Variants in ITGA6 observed in about 807,000 individuals in gnomAD.
The protein encoded by ITGA6 is integrin subunit alpha 6.
A neutral mutation model predicts 133.6 loss-of-function variants in ITGA6; 63 were observed. The ratio of observed to expected loss-of-function variants is 0.47; its 90% CI spans 0.38 to 0.58. The LOEUF is 0.58. ITGA6 is among the 20% of genes least tolerant of loss of function. ITGA6 has a pLI of 0.00. For missense variants in ITGA6, 1,068 were observed against 1,309.4 expected (o/e 0.82, Z 2.85); for synonymous variants, 434 against 482.0 (o/e 0.90, Z 1.30).
chr2:172,471,686 C>T (rs960874223), intron 5 of ITGA6, among the ~76,000 whole-genome samples: 1 of 152,126 alleles, frequency 6.6e-6, no homozygotes, highest in Non-Finnish European at 1.5e-5. Flanking sequence ...GCTTTCAGGA[C>T]ACCCAGACTG....
At chr2:172,472,825 A>C in intron 5 of ITGA6, 1 of 1,612,724 alleles carries the variant, frequency 6.2e-7, no homozygotes, top group Non-Finnish European at 8.5e-7. Flanking sequence ...CAGTTTGTTT[A>C]TAAAACACGG....
chr2:172,448,237 G>A (rs1684845300), intron 1 of ITGA6, among the ~76,000 whole-genome samples: 1 of 151,910 alleles, frequency 6.6e-6, no homozygotes, highest in African/African-American at 2.4e-5. Context: ...CTTAATAGAC[G>A]TTAATTATAA....
chr2:172,469,499 G>T (rs1418492190), intron 4 of ITGA6, 119 bp downstream of exon 4: 1 of 903,070 alleles, frequency 1.1e-6, no homozygotes, highest in Non-Finnish European at 1.7e-6. Flanking sequence ...AGTTGGGTAG[G>T]ATATTAAAAA....
intron 1 of ITGA6, among the ~76,000 whole-genome samples, chr2:172,436,697 C>T (rs1231726892): frequency 6.6e-6 from 1 of 152,160 alleles, no homozygotes; most frequent in Non-Finnish European, 1.5e-5. Context: ...AAACCGTGGC[C>T]AGCTTTTTGG....
At chr2:172,447,735 C>T (rs531613677) in intron 1 of ITGA6, among the ~76,000 whole-genome samples, 1 of 152,288 alleles carries the variant, frequency 6.6e-6, no homozygotes, top group South Asian at 2.1e-4. Context: ...AGGGATAGAA[C>T]CAGAATTCCA....
At position 172,489,504 on chromosome 2, in the gene ITGA6, C is replaced by T. The variant is rs771470186; in HGVS notation, c.2525C>T (p.Pro842Leu). 21 of 1,613,414 alleles carry T rather than the reference C, an allele frequency of 1.3e-5. No individual in the cohort carries two copies. Among genetic ancestry groups the T allele is most frequent in the Non-Finnish European group, 1.8e-5 (21 of 1,179,424 alleles). ...YEFRVINLGK[P>L]LTNLGTATLN... ...TAACAGGTAATAAACTTAGGTAAAC[C>T]TCTTACAAACCTCGGCACAGCAACC... is the stretch of plus-strand genomic sequence containing the variant. Residue 842 changes from proline (P) to leucine (L), a missense_variant, in exon 20 of 26, where the codon CCT becomes CTT. By Grantham distance (98) the Pro-to-Leu change is moderately conservative (BLOSUM62 -3). Coordinates refer to ENST00000684293, the MANE Select transcript of ITGA6 (RefSeq NM_000210.4).
chr2:172,481,588 C>T (rs868677020), intron 11 of ITGA6, among the ~76,000 whole-genome samples: 1 of 152,062 alleles, frequency 6.6e-6, no homozygotes, highest in Non-Finnish European at 1.5e-5. Context: ...CTCAGTTAGC[C>T]TTCATCTTTC....
At chr2:172,460,078 TTGAC>T (rs1685370064) in intron 1 of ITGA6, among the ~76,000 whole-genome samples, 2 of 152,252 alleles carry the variant, frequency 1.3e-5, no homozygotes, top group Admixed American at 1.3e-4. Context: ...GCAAGTCTGT[TTGAC>T]CTTAATGCTA....
intron 1 of ITGA6, among the ~76,000 whole-genome samples, chr2:172,434,888 C>T (rs1684252250): frequency 6.6e-6 from 1 of 152,080 alleles, no homozygotes; most frequent in Non-Finnish European, 1.5e-5. Flanking sequence ...GAAAGGGGCA[C>T]ACTGGTTAGT....
intron 23 of ITGA6, among the ~76,000 whole-genome samples, chr2:172,492,336 A>G (rs951300452): frequency 6.6e-6 from 1 of 152,184 alleles, no homozygotes. Context: ...AGGTGTTTTC[A>G]TCAGAATTTG....
chr2:172,435,764 A>G (rs995773191), intron 1 of ITGA6, among the ~76,000 whole-genome samples: 1 of 151,638 alleles, frequency 6.6e-6, no homozygotes, highest in African/African-American at 2.4e-5. Context: ...AGTAGCTGGG[A>G]CTGCAAGTGT....
chr2:172,497,720 G>A (rs939660654), intron 23 of ITGA6, among the ~76,000 whole-genome samples: 2 of 151,960 alleles, frequency 1.3e-5, no homozygotes, highest in African/African-American at 4.8e-5. Flanking sequence ...TTTTTTTTAA[G>A]ATACATTAAC....
intron 23 of ITGA6, among the ~76,000 whole-genome samples, chr2:172,496,233 G>A (rs1050492689): frequency 6.6e-5 from 10 of 152,198 alleles, no homozygotes; most frequent in African/African-American, 1.7e-4. Flanking sequence ...TTCCCTGTCA[G>A]GGGAGGGAAG....
At chr2:172,428,994 C>A (rs1376735660) in intron 1 of ITGA6, among the ~76,000 whole-genome samples, 1 of 152,174 alleles carries the variant, frequency 6.6e-6, no homozygotes, top group Non-Finnish European at 1.5e-5. Flanking sequence ...CCCACCCAGG[C>A]CTTGAGTTGA....
In ITGA6 at chr2:172,465,558, CG is replaced by C; in HGVS notation, c.205del (p.Ala69GlnfsTer61). ...CAACAGGTTGCTCGTGGGGGCCCCG[CG>C]GGCAGAAGCGCTTCCACTGCAGAGA... ...DKRLLLVGAP[R>X]AEALPLQRAN... On this transcript the variant is annotated frameshift_variant, in exon 2 of 26. Coordinates refer to ENST00000684293, the MANE Select transcript of ITGA6 (RefSeq NM_000210.4). LOFTEE classifies it high-confidence loss of function. 1 of 1,614,218 alleles carries C rather than the reference CG, an allele frequency of 6.2e-7. No individual in the cohort carries two copies. Among genetic ancestry groups the C allele is most frequent in the Non-Finnish European group, 8.5e-7 (1 of 1,180,044 alleles).
chr2:172,460,744 A>C (rs915948043), intron 1 of ITGA6, among the ~76,000 whole-genome samples: 1 of 152,264 alleles, frequency 6.6e-6, no homozygotes, highest in Non-Finnish European at 1.5e-5. Context: ...TAAAGGTGAC[A>C]CAATTGCCAC....
intron 24 of ITGA6, among the ~76,000 whole-genome samples, chr2:172,499,905 G>T (rs866040623): frequency 2.0e-5 from 3 of 146,986 alleles, no homozygotes; most frequent in African/African-American, 7.8e-5. Flanking sequence ...ATTATTAGAT[G>T]ATTTCATTAT....
chr2:172,492,879 G>A (rs1686979884), intron 23 of ITGA6, among the ~76,000 whole-genome samples: 1 of 152,228 alleles, frequency 6.6e-6, no homozygotes, highest in African/African-American at 2.4e-5. Flanking sequence ...CAGTCCTTAC[G>A]ATTTATTATC....
chr2:172,473,959 G>A, intron 5 of ITGA6, 96 bp from the exon 6 acceptor site: 1 of 780,930 alleles, frequency 1.3e-6, no homozygotes, highest in Non-Finnish European at 2.2e-6. Flanking sequence ...GAGAGGGGTG[G>A]GAAGCCAGAG....
Sources: allele counts gnomAD v4.1 joint callset (sites outside exome capture counted in the v4.1 genomes callset), GRCh38; gene constraint gnomAD v4.1.1; transcripts MANE v1.5; gene names NCBI Gene and HGNC (gene_info 2026-07-23, HGNC 2026-07-21).